Variants in ROBO2 observed in about 807,000 individuals in gnomAD.
ROBO2 encodes roundabout homolog 2.
Under a neutral mutation model 160.8 loss-of-function variants are expected in ROBO2, and 53 were observed. That is an observed-to-expected ratio of 0.33 (90% CI 0.26 to 0.41). The LOEUF (loss-of-function observed/expected upper bound fraction) is 0.41. Among genes scored for constraint, ROBO2 ranks in the 10% least tolerant of loss-of-function variants. ROBO2 has a pLI of 1.00. For missense variants in ROBO2, 1,577 were observed against 1,722.4 expected (o/e 0.92, Z 1.49); for synonymous variants, 664 against 611.7 (o/e 1.09, Z -1.26).
chr3:76,604,042 G>A (rs2087451056), intron 2 of ROBO2, among the ~76,000 whole-genome samples: 1 of 152,082 alleles, frequency 6.6e-6, no homozygotes, highest in Non-Finnish European at 1.5e-5. Flanking sequence ...TTGTATAAAA[G>A]CCATGGCTTA....
intron 2 of ROBO2, among the ~76,000 whole-genome samples, chr3:76,350,245 C>T (rs901403123): frequency 6.6e-6 from 1 of 152,048 alleles, no homozygotes; most frequent in Non-Finnish European, 1.5e-5. Flanking sequence ...TCACAGTACA[C>T]TTATGCAATA....
At chr3:76,949,367 A>G (rs2078816692) in intron 2 of ROBO2, among the ~76,000 whole-genome samples, 1 of 152,150 alleles carries the variant, frequency 6.6e-6, no homozygotes, top group Non-Finnish European at 1.5e-5. Context: ...TGTGTCAACA[A>G]CTTTAGATTT....
chr3:77,148,911 GT>G (rs1237306126), intron 2 of ROBO2, among the ~76,000 whole-genome samples: 3 of 152,036 alleles, frequency 2.0e-5, no homozygotes, highest in Non-Finnish European at 4.4e-5. Context: ...TTAAAAGAAT[GT>G]TTGAGAAAGC....
intron 2 of ROBO2, among the ~76,000 whole-genome samples, chr3:76,848,431 A>G (rs2068985386): frequency 6.6e-6 from 1 of 152,140 alleles, no homozygotes; most frequent in South Asian, 2.1e-4. Flanking sequence ...CTTTTCCCAT[A>G]GTTAGGAAGA....
intron 2 of ROBO2, among the ~76,000 whole-genome samples, chr3:77,191,072 G>A (rs1237844652): frequency 1.3e-5 from 2 of 152,036 alleles, no homozygotes; most frequent in Non-Finnish European, 2.9e-5. Flanking sequence ...TTTGACTATA[G>A]ACTCCCATTA....
intron 5 of ROBO2, among the ~76,000 whole-genome samples, chr3:77,497,295 C>A (rs749799825): frequency 6.6e-6 from 1 of 151,950 alleles, no homozygotes; most frequent in African/African-American, 2.4e-5. Context: ...ATAACACTAA[C>A]GTGAGAATAA....
intron 2 of ROBO2, among the ~76,000 whole-genome samples, chr3:76,864,923 G>T (rs1461590043): frequency 2.0e-5 from 3 of 152,070 alleles, no homozygotes; most frequent in Non-Finnish European, 4.4e-5. Context: ...GTTTTTTGAA[G>T]GTCAAGACAA....
intron 2 of ROBO2, among the ~76,000 whole-genome samples, chr3:76,146,075 C>T (rs904317263): frequency 2.4e-4 from 36 of 151,870 alleles, no homozygotes; most frequent in African/African-American, 7.7e-4. Flanking sequence ...TGTAATTAAT[C>T]GCTTACATTT....
At chr3:76,116,083 C>T (rs1576921906) in intron 2 of ROBO2, among the ~76,000 whole-genome samples, 1 of 152,146 alleles carries the variant, frequency 6.6e-6, no homozygotes, top group Admixed American at 6.6e-5. Flanking sequence ...GGTAGTCTAG[C>T]ATGGACTCTA....
intron 2 of ROBO2, among the ~76,000 whole-genome samples, chr3:77,456,151 C>T (rs1039986044): frequency 6.6e-6 from 1 of 152,090 alleles, no homozygotes; most frequent in Non-Finnish European, 1.5e-5. Context: ...GAAAACCACA[C>T]ATAAATAGAA....
chr3:76,174,622 CCTTTCCCCATTCGTTGTTTTTCTCAGG>C (rs1427751327), intron 2 of ROBO2, among the ~76,000 whole-genome samples: 48 of 152,238 alleles, frequency 3.2e-4, no homozygotes, highest in East Asian at 7.7e-4. Flanking sequence ...AATAGGGAAT[CCTTTCCCCATTCGTTGTTTTTCTCAGG>C]TTTGTCAAAG....
Position 77,541,540 on chromosome 3 carries a change from C to G in ROBO2, c.935-4798C>G, listed in dbSNP as rs544741811. On this transcript the variant is annotated intron_variant, in intron 6 of 25. Transcript: ENST00000461745. ...GTTTCAAGTGAACTGTCCCAGACCTCTAATCTTAATTGACCTTTTTATATT... is the reference window on the plus strand; with the variant it reads ...GTTTCAAGTGAACTGTCCCAGACCTGTAATCTTAATTGACCTTTTTATATT... 1.1e-4 allele frequency among the ~76,000 whole-genome samples: 16 copies of G among 152,318 alleles called. No homozygotes were observed. The East Asian group carries it at 3.1e-3, about 29-fold the overall frequency.
intron 2 of ROBO2, among the ~76,000 whole-genome samples, chr3:77,167,615 C>T (rs1378672763): frequency 1.3e-5 from 2 of 152,086 alleles, no homozygotes; most frequent in Admixed American, 1.3e-4. Context: ...TTTCTGTATT[C>T]TTCAAGACAC....
At chr3:76,775,482 G>A (rs2062188874) in intron 2 of ROBO2, among the ~76,000 whole-genome samples, 1 of 150,754 alleles carries the variant, frequency 6.6e-6, no homozygotes, top group Admixed American at 6.6e-5. Context: ...AACTTTAATT[G>A]AAATCTAAAA....
intron 2 of ROBO2, among the ~76,000 whole-genome samples, chr3:75,968,049 AGTTT>A (rs1188459436): frequency 6.6e-6 from 1 of 151,588 alleles, no homozygotes; most frequent in Non-Finnish European, 1.5e-5. Flanking sequence ...AATTTACAAT[AGTTT>A]GTTTTTGTTA....
intron 2 of ROBO2, among the ~76,000 whole-genome samples, chr3:76,387,372 T>A (rs764035945): frequency 6.6e-6 from 1 of 152,150 alleles, no homozygotes; most frequent in Non-Finnish European, 1.5e-5. Context: ...TTAAGCTGAA[T>A]CTTGAAGAAT....
chr3:77,086,260 G>A (rs765202793), intron 1 of ROBO2, among the ~76,000 whole-genome samples: 2 of 151,992 alleles, frequency 1.3e-5, no homozygotes, highest in Non-Finnish European at 2.9e-5. Flanking sequence ...GCTTATACTA[G>A]TAGGGAACAT....
At chr3:76,555,364 A>AG (rs1560140716) in intron 2 of ROBO2, among the ~76,000 whole-genome samples, 1 of 37,140 alleles carries the variant, frequency 2.7e-5, no homozygotes, top group Non-Finnish European at 7.9e-5. Context: ...AAGAGAGAAG[A>AG]AGAAGAAGAA....
At chr3:77,574,662 T>C in exon 14 of ROBO2, 4 of 1,613,358 alleles carry the variant, frequency 2.5e-6, no homozygotes, top group Non-Finnish European at 3.4e-6. Flanking sequence ...GAAATTAAAG[T>C]ACGGCCATAT....
Sources: allele counts gnomAD v4.1 joint callset (sites outside exome capture counted in the v4.1 genomes callset), GRCh38; gene constraint gnomAD v4.1.1; transcripts MANE v1.5; gene names NCBI Gene and HGNC (gene_info 2026-07-23, HGNC 2026-07-21).